NFIA: variants seen among roughly 807,000 people sequenced by gnomAD.
NFIA encodes the protein nuclear factor I A, also known as nuclear factor 1 A-type.
NFIA carries 8 observed loss-of-function variants against 62.8 expected under a neutral mutation model. The observed-to-expected ratio is 0.13, with a 90% CI of 0.07 to 0.23. The LOEUF (loss-of-function observed/expected upper bound fraction) is 0.23, where lower values mean the gene tolerates loss of function less well. NFIA is among the 10% of genes least tolerant of loss of function. The probability of loss-of-function intolerance (pLI) is 1.00; values close to 1 mark genes in which losing one functional copy is unlikely to be tolerated. For synonymous variants in NFIA, 235 were observed against 238.1 expected, an observed-to-expected ratio of 0.99 and a Z score of 0.12; for missense variants, 410 against 642.1, an observed-to-expected ratio of 0.64 and a Z score of 3.91.
chr1:61,350,565 G>A (rs1662493604), intron 4 of NFIA, among the ~76,000 whole-genome samples: 1 of 152,122 alleles, frequency 6.6e-6, no homozygotes, highest in Non-Finnish European at 1.5e-5. Context: ...GAGCGCAGGA[G>A]CTGGAGGCTA....
intron 3 of NFIA, among the ~76,000 whole-genome samples, chr1:61,306,509 C>G (rs1013565807): frequency 6.6e-6 from 1 of 151,670 alleles, no homozygotes; most frequent in Non-Finnish European, 1.5e-5. Flanking sequence ...CTCCTGACCT[C>G]AGATGATCCA....
intron 2 of NFIA, among the ~76,000 whole-genome samples, chr1:61,239,834 AT>A (rs1249438152): frequency 6.6e-6 from 1 of 152,118 alleles, no homozygotes; most frequent in East Asian, 1.9e-4. Flanking sequence ...AATTGAAAGG[AT>A]TTGGTATAAT....
chr1:61,237,114 C>G (rs1483350680), intron 2 of NFIA, among the ~76,000 whole-genome samples: 4 of 152,292 alleles, frequency 2.6e-5, no homozygotes, highest in East Asian at 1.9e-4. Flanking sequence ...TGCCTCACCT[C>G]TCCACCACCA....
chr1:61,219,753 C>T (rs1408490072), intron 2 of NFIA, among the ~76,000 whole-genome samples: 3 of 149,410 alleles, frequency 2.0e-5, no homozygotes, highest in African/African-American at 7.4e-5. Flanking sequence ...ATCACGAGGT[C>T]AAAAGATCAA....
chr1:61,281,019 C>T (rs982693389), intron 3 of NFIA, among the ~76,000 whole-genome samples: 2 of 151,912 alleles, frequency 1.3e-5, no homozygotes, highest in Non-Finnish European at 2.9e-5. Flanking sequence ...TGAGGTGAGT[C>T]GATCACTTGA....
intron 4 of NFIA, among the ~76,000 whole-genome samples, chr1:61,351,065 C>T (rs1293519380): frequency 6.6e-6 from 1 of 152,176 alleles, no homozygotes; most frequent in Non-Finnish European, 1.5e-5. Context: ...CTGTTTTTCA[C>T]TTTCAGTACA....
At chr1:61,084,294 C>G (rs1206603802) in intron 1 of NFIA, among the ~76,000 whole-genome samples, 3 of 152,144 alleles carry the variant, frequency 2.0e-5, no homozygotes, top group Non-Finnish European at 4.4e-5. Context: ...ATTGCAATAT[C>G]TAACAGTAAT....
At chr1:61,157,992 C>G (rs1018858718) in intron 2 of NFIA, among the ~76,000 whole-genome samples, 1 of 152,122 alleles carries the variant, frequency 6.6e-6, no homozygotes, top group Non-Finnish European at 1.5e-5. Context: ...ACATGAATCC[C>G]CAGGTTTCAG....
intron 2 of NFIA, among the ~76,000 whole-genome samples, chr1:61,214,504 A>G (rs1449998617): frequency 6.6e-6 from 1 of 152,190 alleles, no homozygotes; most frequent in African/African-American, 2.4e-5. Context: ...GTGCCCACAT[A>G]TTATTTGAGC....
At position 61,461,263 on chromosome 1, in the gene NFIA, ACCT is replaced by A. The variant is rs1387756203; in HGVS notation, c.*5948_*5950del. ...CATGCTTGATCTGTCTTCACACCAG[ACCT>A]CCTCATATTAAAAGGAAAAATAAGA... On this transcript the variant is annotated 3_prime_UTR_variant, in exon 11 of 11. Transcript: ENST00000403491. The A allele has an allele frequency of 6.6e-6, 1 of 151,984 alleles. No homozygotes were observed. The highest frequency in any genetic ancestry group is 1.5e-5 in the Non-Finnish European group (1 of 68,008). 9.4% of individuals were successfully genotyped at this position (151,984 alleles called of 1,614,324 possible).
chr1:61,315,618 G>A (rs1364053483), intron 3 of NFIA, among the ~76,000 whole-genome samples: 1 of 152,116 alleles, frequency 6.6e-6, no homozygotes, highest in African/African-American at 2.4e-5. Context: ...TGATTAGAGG[G>A]AAAAATATTA....
rs573964441 is a variant in NFIA at position 61,119,658 on chromosome 1, C to T, written c.559+30978C>T. 9.9e-5 allele frequency among the ~76,000 whole-genome samples: 15 copies of T among 152,238 alleles called. 1 individual carries two copies. The highest frequency in any genetic ancestry group is 6.8e-3 in the Middle Eastern group (2 of 294). Reference sequence around the variant, plus strand: ...TTTAAAATTTGAATTAAAAAACATTCAATTCTTAGGTTTGAAGGTTTGAGT... The same window carrying T: ...TTTAAAATTTGAATTAAAAAACATTTAATTCTTAGGTTTGAAGGTTTGAGT... On this transcript the variant is annotated intron_variant, in intron 2 of 10. Coordinates refer to ENST00000403491, the MANE Select transcript of NFIA (RefSeq NM_001134673.4).
At position 61,154,706 on chromosome 1, in the gene NFIA, C is replaced by T. The variant is rs1648669378; in HGVS notation, c.559+66026C>T. The stretch of plus-strand genomic sequence containing the variant: ...GGCTCAAGCCATCCACCTGCCTCAC[C>T]CTCCCCAAGCGTTGAGACTACAGGC... On this transcript the variant is annotated intron_variant, in intron 2 of 10. Coordinates refer to ENST00000403491, the MANE Select transcript of NFIA (RefSeq NM_001134673.4). 1.3e-5 allele frequency among the ~76,000 whole-genome samples: 2 copies of T among 152,172 alleles called. 1 individual carries two copies. The highest frequency in any genetic ancestry group is 4.1e-4 in the South Asian group (2 of 4,828).
intron 7 of NFIA, among the ~76,000 whole-genome samples, chr1:61,399,791 ACTC>A (rs1444215408): frequency 6.6e-6 from 1 of 151,964 alleles, no homozygotes; most frequent in African/African-American, 2.4e-5. Context: ...ACTAGTTCTG[ACTC>A]CTCTTAAGAG....
Position 61,307,324 on chromosome 1 carries a change from G to A in NFIA, c.626-25188G>A, listed in dbSNP as rs534875445. On this transcript the variant is annotated intron_variant, in intron 3 of 10. Transcript: ENST00000403491. ...GAGAGCTAGCTAGCCCTTCTGCCAC[G>A]TGAGGATGTGGACGGTGTGATCTAT... 6.6e-5 allele frequency among the ~76,000 whole-genome samples: 10 copies of A among 152,300 alleles called. No homozygotes were observed. In the East Asian group the frequency reaches 1.3e-3, roughly 21 times the overall value.
intron 3 of NFIA, among the ~76,000 whole-genome samples, chr1:61,300,952 T>A (rs1659467119): frequency 6.6e-6 from 1 of 152,146 alleles, no homozygotes; most frequent in Non-Finnish European, 1.5e-5. Flanking sequence ...ACAAAGGTTC[T>A]ACCATATGGT....
intron 2 of NFIA, among the ~76,000 whole-genome samples, chr1:61,243,009 T>C (rs1008294093): frequency 1.3e-5 from 2 of 151,116 alleles, no homozygotes; most frequent in Non-Finnish European, 2.9e-5. Flanking sequence ...TTTTCGGTCC[T>C]TTTTTTAATG....
At chr1:61,081,276 A>C (rs1646091499), upstream of NFIA, among the ~76,000 whole-genome samples, 2 of 151,952 alleles carry the variant, frequency 1.3e-5, no homozygotes, top group African/African-American at 2.4e-5. Flanking sequence ...AAACTGGAAA[A>C]GCAGGCTTAC....
intron 4 of NFIA, among the ~76,000 whole-genome samples, chr1:61,336,646 A>G (rs1479175741): frequency 6.6e-6 from 1 of 152,154 alleles, no homozygotes; most frequent in Non-Finnish European, 1.5e-5. Flanking sequence ...ACTGCCCTAA[A>G]TATCTCCTGT....
Sources: gnomAD v4.1 joint callset for allele counts (sites outside exome capture counted in the v4.1 genomes callset) on GRCh38, gnomAD v4.1.1 for gene constraint, MANE v1.5 for transcripts, NCBI Gene and HGNC (gene_info 2026-07-23, HGNC 2026-07-21) for gene names.